Variants in SPOCK3 observed in about 807,000 individuals in gnomAD.
The protein encoded by SPOCK3 is SPARC (osteonectin), cwcv and kazal like domains proteoglycan 3.
In SPOCK3, 30 loss-of-function variants were observed where a neutral mutation model predicts 56.6. The observed-to-expected ratio is 0.53, with a 90% CI of 0.40 to 0.72. The LOEUF is 0.72. Among genes scored for constraint, SPOCK3 ranks in the 30% least tolerant of loss-of-function variants. The probability of loss-of-function intolerance (pLI) is 0.00; values close to 1 mark genes in which losing one functional copy is unlikely to be tolerated. For missense variants in SPOCK3, 527 were observed against 530.0 expected, an observed-to-expected ratio of 0.99 and a Z score of 0.06; for synonymous variants, 196 against 183.3, an observed-to-expected ratio of 1.07 and a Z score of -0.56.
At chr4:167,025,231 T>C (rs1205711722) in intron 3 of SPOCK3, among the ~76,000 whole-genome samples, 2 of 144,078 alleles carry the variant, frequency 1.4e-5, no homozygotes, top group Non-Finnish European at 3.2e-5. Flanking sequence ...CTTTTTTTTT[T>C]TTCCTTAGAA....
chr4:167,022,997 T>C (rs1172802968), intron 3 of SPOCK3, among the ~76,000 whole-genome samples: 1 of 152,052 alleles, frequency 6.6e-6, no homozygotes, highest in Admixed American at 6.6e-5. Context: ...TTTCCTCCAG[T>C]CTTCCCAGTT....
intron 3 of SPOCK3, among the ~76,000 whole-genome samples, chr4:167,014,050 A>T (rs1300628739): frequency 6.6e-6 from 1 of 152,096 alleles, no homozygotes; most frequent in Admixed American, 6.6e-5. Context: ...ATATTTGGCC[A>T]TTATCATTTG....
chr4:167,022,841 G>T (rs891867912), intron 3 of SPOCK3, among the ~76,000 whole-genome samples: 1 of 151,930 alleles, frequency 6.6e-6, no homozygotes, highest in African/African-American at 2.4e-5. Flanking sequence ...AAATGATTGG[G>T]ACAAGAAGTC....
rs560848628 is a variant in SPOCK3, at chr4:166,937,476, GTTC to G, written c.351-24736_351-24734del. On this transcript the variant is annotated intron_variant, in intron 4 of 10. Transcript: ENST00000357545. ...ACACTCCTTTTCCATACATCTATGA[GTTC>G]TTGTCTGATTATTTCTAGCACATAC... 1.4e-4 allele frequency among the ~76,000 whole-genome samples: 20 copies of G among 148,146 alleles called. No individual in the cohort carries two copies. The East Asian group carries it at 3.9e-3, about 29-fold the overall frequency.
At chr4:167,230,925 C>T (rs982853427) in intron 2 of SPOCK3, among the ~76,000 whole-genome samples, 5 of 152,084 alleles carry the variant, frequency 3.3e-5, no homozygotes, top group African/African-American at 4.8e-5. Context: ...AACACCTACT[C>T]ATTGCAAGCT....
At chr4:166,781,416 A>G (rs1740152314) in intron 7 of SPOCK3, among the ~76,000 whole-genome samples, 1 of 144,644 alleles carries the variant, frequency 6.9e-6, no homozygotes, top group South Asian at 2.2e-4. Flanking sequence ...GAGAAAGAGA[A>G]GAAAATAAAA....
At chr4:166,836,383 C>A (rs546277850) in intron 6 of SPOCK3, among the ~76,000 whole-genome samples, 2 of 152,122 alleles carry the variant, frequency 1.3e-5, no homozygotes, top group Admixed American at 1.3e-4. Context: ...ATTTTGGTTG[C>A]CCATTCTTTT....
intron 6 of SPOCK3, among the ~76,000 whole-genome samples, chr4:166,887,772 C>A (rs913540593): frequency 6.6e-6 from 1 of 150,604 alleles, no homozygotes; most frequent in East Asian, 2.0e-4. Context: ...TTATACTGCT[C>A]GGGTGATGGG....
chr4:167,134,442 T>G (rs1762952676), intron 2 of SPOCK3, among the ~76,000 whole-genome samples: 1 of 152,168 alleles, frequency 6.6e-6, no homozygotes, highest in South Asian at 2.1e-4. Flanking sequence ...CTGATATTAA[T>G]AAACTTGTTT....
chr4:167,193,996 T>A (rs1269598764), intron 2 of SPOCK3, among the ~76,000 whole-genome samples: 1 of 152,208 alleles, frequency 6.6e-6, no homozygotes, highest in East Asian at 1.9e-4. Flanking sequence ...ACATAATGTG[T>A]ATATTAATTT....
chr4:167,022,590 A>T (rs1439415258), intron 3 of SPOCK3, among the ~76,000 whole-genome samples: 1 of 152,028 alleles, frequency 6.6e-6, no homozygotes, highest in Non-Finnish European at 1.5e-5. Flanking sequence ...AAAAAGATAC[A>T]ATTGAAAGTA....
intron 2 of SPOCK3, among the ~76,000 whole-genome samples, chr4:167,109,362 TTATATATATATTTATATAAAATATA>T (rs1760628348): frequency 2.6e-5 from 1 of 38,710 alleles, no homozygotes; most frequent in African/African-American, 7.9e-5. Flanking sequence ...AAATATATAT[TTATATATATATTTATATAAAATATA>T]TAAATATATA....
intron 2 of SPOCK3, among the ~76,000 whole-genome samples, chr4:167,087,100 T>A (rs1758268633): frequency 6.6e-6 from 1 of 152,068 alleles, no homozygotes; most frequent in Admixed American, 6.6e-5. Context: ...CGGCAAATAA[T>A]TTTATTTCTT....
At chr4:167,149,821 T>C (rs1055867157) in intron 2 of SPOCK3, among the ~76,000 whole-genome samples, 1 of 107,124 alleles carries the variant, frequency 9.3e-6, no homozygotes, top group Non-Finnish European at 1.8e-5. Context: ...GCACTATATA[T>C]ATGGTGTGTA....
chr4:167,075,759 A>G (rs1050368485), intron 2 of SPOCK3, among the ~76,000 whole-genome samples: 7 of 151,922 alleles, frequency 4.6e-5, no homozygotes, highest in Admixed American at 3.9e-4. Flanking sequence ...TTCCCACCTC[A>G]GCCTTGAAAG....
chr4:166,930,142 G>T (rs1561021892), intron 4 of SPOCK3, among the ~76,000 whole-genome samples: 1 of 151,898 alleles, frequency 6.6e-6, no homozygotes, highest in African/African-American at 2.4e-5. Flanking sequence ...GACTGACTTT[G>T]TTTATAAAAA....
chr4:166,796,479 C>T (rs1170754441), intron 6 of SPOCK3, among the ~76,000 whole-genome samples: 1 of 152,090 alleles, frequency 6.6e-6, no homozygotes. Flanking sequence ...TGTCTCGTAT[C>T]TCTACTAGGC....
At chr4:166,738,465 T>C (rs943609682) in intron 9 of SPOCK3, among the ~76,000 whole-genome samples, 3 of 151,658 alleles carry the variant, frequency 2.0e-5, no homozygotes, top group Non-Finnish European at 4.4e-5. Flanking sequence ...ATGGTTTTTT[T>C]TTCTTTTTTT....
chr4:166,844,547 G>A (rs1020535547), intron 6 of SPOCK3, among the ~76,000 whole-genome samples: 13 of 152,148 alleles, frequency 8.5e-5, no homozygotes, highest in African/African-American at 3.1e-4. Context: ...GACCATACAA[G>A]CAAAAGGTTG....
Sources: allele counts gnomAD v4.1 joint callset (sites outside exome capture counted in the v4.1 genomes callset), GRCh38; gene constraint gnomAD v4.1.1; transcripts MANE v1.5; gene names NCBI Gene and HGNC (gene_info 2026-07-23, HGNC 2026-07-21).